DNAH11: variants seen among roughly 807,000 people sequenced by gnomAD.
The protein encoded by DNAH11 is dynein axonemal heavy chain 11.
Under a neutral mutation model 526.0 loss-of-function variants are expected in DNAH11, and 442 were observed. The ratio of observed to expected loss-of-function variants is 0.84; its 90% CI spans 0.78 to 0.91. The LOEUF (loss-of-function observed/expected upper bound fraction) is 0.91, where lower values mean the gene tolerates loss of function less well. Among genes scored for constraint, DNAH11 ranks in the 40% least tolerant of loss-of-function variants. DNAH11 has a pLI of 0.00. For synonymous variants in DNAH11, 2,461 were observed against 1,935.9 expected (o/e 1.27, Z -7.12); for missense variants, 6,989 against 5,448.7 (o/e 1.28, Z -8.90).
At position 21,681,625 on chromosome 7, in the gene DNAH11, G is replaced by C; in HGVS notation, c.5408G>C (p.Cys1803Ser). ...GACAGACAGAAGATCATGACAATTT[G>C]TACCATAGATGTCCATGCCAGAGAC... ...PGDRQKIMTI[C>S]TIDVHARDVV... Residue 1803 changes from cysteine (C) to serine (S), a missense_variant, in exon 31 of 82, where the codon TGT becomes TCT. Coordinates refer to ENST00000409508, the MANE Select transcript of DNAH11 (RefSeq NM_001277115.2). 6.2e-7 allele frequency: 1 copy of C among 1,613,876 alleles called. No individual in the cohort carries two copies. Among genetic ancestry groups the C allele is most frequent in the Non-Finnish European group, 8.5e-7 (1 of 1,179,806 alleles).
At chr7:21,731,732 C>T (rs1785396286) in intron 45 of DNAH11, among the ~76,000 whole-genome samples, 1 of 152,134 alleles carries the variant, frequency 6.6e-6, no homozygotes, top group Admixed American at 6.5e-5. Flanking sequence ...TTAAATTGCA[C>T]ACTGATCTGA....
chr7:21,674,129 G>T (rs192816941), intron 30 of DNAH11, among the ~76,000 whole-genome samples: 1 of 151,302 alleles, frequency 6.6e-6, no homozygotes, highest in Non-Finnish European at 1.5e-5. Context: ...GCACTATCTC[G>T]GCTCACTGCA....
intron 81 of DNAH11, among the ~76,000 whole-genome samples, 157 bp downstream of exon 81, chr7:21,900,277 G>A (rs1198776451): frequency 6.9e-6 from 1 of 145,460 alleles, no homozygotes; most frequent in Non-Finnish European, 1.5e-5. Flanking sequence ...TTAAGTGCTG[G>A]GATGTGTGTC....
chr7:21,572,008 A>T (rs72655985), intron 8 of DNAH11, 35 bp downstream of exon 8: 1 of 1,450,436 alleles, frequency 6.9e-7, no homozygotes, highest in Non-Finnish European at 9.1e-7. Flanking sequence ...ATTGCATGGG[A>T]TCCTATAATT....
chr7:21,724,353 G>A (rs950964013), intron 44 of DNAH11, among the ~76,000 whole-genome samples: 1 of 152,172 alleles, frequency 6.6e-6, no homozygotes, highest in African/African-American at 2.4e-5. Context: ...GGAAGATGGT[G>A]GGGCAAGCTC....
chr7:21,713,425 G>A (rs942970659), intron 42 of DNAH11, among the ~76,000 whole-genome samples: 3 of 152,170 alleles, frequency 2.0e-5, no homozygotes, highest in African/African-American at 7.2e-5. Flanking sequence ...GGTCATGTCA[G>A]GATGGCTCTG....
chr7:21,584,126 C>G (rs1256744135), intron 9 of DNAH11, among the ~76,000 whole-genome samples: 1 of 152,188 alleles, frequency 6.6e-6, no homozygotes, highest in African/African-American at 2.4e-5. Context: ...GACACATGCA[C>G]ACATATGTTT....
At chr7:21,709,397 G>A (rs1170391579) in intron 40 of DNAH11, among the ~76,000 whole-genome samples, 1 of 152,116 alleles carries the variant, frequency 6.6e-6, no homozygotes, top group Non-Finnish European at 1.5e-5. Flanking sequence ...ATAAAGATGG[G>A]AGCCATTGAC....
chr7:21,684,028 G>A, intron 32 of DNAH11, 84 bp downstream of exon 32: 39 of 1,317,028 alleles, frequency 3.0e-5, no homozygotes, highest in Middle Eastern at 2.0e-4. Flanking sequence ...AGGAATGAGA[G>A]GAAACGATGA....
At chr7:21,622,335 G>A (rs1786103061) in intron 25 of DNAH11, among the ~76,000 whole-genome samples, 2 of 152,156 alleles carry the variant, frequency 1.3e-5, no homozygotes, top group Non-Finnish European at 2.9e-5. Context: ...CAAAGAAATG[G>A]AAGAACGTTC....
intron 42 of DNAH11, among the ~76,000 whole-genome samples, chr7:21,716,853 C>T (rs999241930): frequency 2.6e-5 from 4 of 152,034 alleles, no homozygotes; most frequent in Non-Finnish European, 4.4e-5. Flanking sequence ...GTAACATAAC[C>T]GGCTATTTAA....
chr7:21,615,026 T>G, intron 20 of DNAH11, 88 bp from the exon 21 acceptor site: 1 of 1,356,896 alleles, frequency 7.4e-7, no homozygotes, highest in Non-Finnish European at 9.9e-7. Context: ...AATCAAAGAT[T>G]GAAATGTCGA....
At chr7:21,775,695 A>T (rs1197484197) in intron 56 of DNAH11, among the ~76,000 whole-genome samples, 1 of 151,556 alleles carries the variant, frequency 6.6e-6, no homozygotes, top group East Asian at 1.9e-4. Flanking sequence ...GCCCCTCTCC[A>T]TGTCAGTTTT....
intron 30 of DNAH11, among the ~76,000 whole-genome samples, chr7:21,664,422 A>G (rs572260532): frequency 1.3e-5 from 2 of 150,494 alleles, no homozygotes; most frequent in African/African-American, 4.9e-5. Context: ...CGCCCCCGCA[A>G]TTCTTTCAGG....
In DNAH11 at chr7:21,856,563, C is replaced by T. The variant is rs1027688035; in HGVS notation, c.11202+2108C>T. On this transcript the variant is annotated intron_variant, in intron 68 of 81. Transcript: ENST00000409508. ...ATACTGGGCAGTCCCCCCTTGTAAA[C>T]ATTGTTGGTAAACTCCTCCAGAAAA... is the stretch of plus-strand genomic sequence containing the variant. Among the ~76,000 whole-genome samples the T allele has an allele frequency of 3.3e-5, 5 of 152,156 alleles. No homozygotes were observed. The East Asian group carries it at 9.6e-4, about 29-fold the overall frequency.
intron 25 of DNAH11, among the ~76,000 whole-genome samples, chr7:21,626,061 GC>G (rs1417511684): frequency 6.6e-6 from 1 of 151,998 alleles, no homozygotes; most frequent in Non-Finnish European, 1.5e-5. Flanking sequence ...TTGTCTTTGT[GC>G]TAAAACTACT....
At chr7:21,851,492 T>G (rs1782636480) in intron 66 of DNAH11, 1 of 467,918 alleles carries the variant, frequency 2.1e-6, no homozygotes, top group African/African-American at 2.0e-5. Context: ...CAGGCTTTGG[T>G]TAAGGAGAAC....
Position 21,744,951 on chromosome 7 carries a change from C to T in DNAH11, c.8398C>T (p.Pro2800Ser). 1 of 1,610,394 alleles carries T rather than the reference C, an allele frequency of 6.2e-7. No homozygotes were observed. The highest frequency in any genetic ancestry group is 2.2e-5 in the East Asian group (1 of 44,768). The stretch of plus-strand genomic sequence containing the variant: ...TAGAGGGAAGGACCCACATTACATG[C>T]CAGTGAAGGACTGGGAAGTGCTGAA... ...ADRGKDPHYM[P>S]VKDWEVLKTI... The change falls in exon 51 of 82, where the codon CCA (proline) becomes TCA (serine). Residue 2800 changes from proline to serine, a missense_variant. Coordinates refer to ENST00000409508, the MANE Select transcript of DNAH11 (RefSeq NM_001277115.2).
intron 65 of DNAH11, among the ~76,000 whole-genome samples, chr7:21,820,619 C>G (rs1055930114): frequency 1.3e-5 from 2 of 152,070 alleles, no homozygotes; most frequent in African/African-American, 2.4e-5. Flanking sequence ...AGGATGTGGA[C>G]TGGGACAGAT....
Sources: allele counts gnomAD v4.1 joint callset (sites outside exome capture counted in the v4.1 genomes callset), GRCh38; gene constraint gnomAD v4.1.1; transcripts MANE v1.5; gene names NCBI Gene and HGNC (gene_info 2026-07-23, HGNC 2026-07-21).